PILRB: variants seen among roughly 807,000 people sequenced by gnomAD.
PILRB encodes paired immunoglobin like type 2 receptor beta, also known as paired immunoglobulin-like type 2 receptor beta.
In PILRB, 21 loss-of-function variants were observed where a neutral mutation model predicts 20.5. The observed-to-expected ratio is 1.02, with a 90% confidence interval of 0.72 to 1.47. The LOEUF is 1.47. Ranked by LOEUF, PILRB falls within the 40% of genes most tolerant of loss-of-function variation. The pLI is 0.00. For synonymous variants in PILRB, 133 were observed against 115.1 expected, an observed-to-expected ratio of 1.16 and a Z score of -0.99; for missense variants, 253 against 272.1, an observed-to-expected ratio of 0.93 and a Z score of 0.49.
intron 3 of PILRB, among the ~76,000 whole-genome samples, chr7:100,365,472 C>T (rs1563110722): frequency 6.6e-6 from 1 of 152,102 alleles, no homozygotes; most frequent in African/African-American, 2.4e-5. Flanking sequence ...AGGTGGTTGT[C>T]AGGGGCACAG....
chr7:100,359,455 G>A lies in PILRB; in HGVS notation c.573G>A (p.Arg191=). 3.7e-6 allele frequency: 6 copies of A among 1,614,154 alleles called. No homozygotes were observed. The highest frequency in any genetic ancestry group is 5.1e-6 in the Non-Finnish European group (6 of 1,180,020). The change falls in exon 3 of 4, where the codon AGG becomes AGA. Residue 191 remains arginine, a synonymous_variant. Coordinates refer to ENST00000609309, the MANE Select transcript of PILRB (RefSeq NM_178238.4). ...SWHLSLDTAI[R]VALAVAVLKT... ...ACCTAAGTCTGGACACTGCCATCAGGGTTGCATTGGCTGTCGCTGTGCTCA... is the reference window on the plus strand; with the variant it reads ...ACCTAAGTCTGGACACTGCCATCAGAGTTGCATTGGCTGTCGCTGTGCTCA...
chr7:100,365,616 C>A (rs547069083), intron 3 of PILRB, among the ~76,000 whole-genome samples: 8 of 152,166 alleles, frequency 5.3e-5, no homozygotes, highest in Admixed American at 2.0e-4. Context: ...GCCTGGAGTT[C>A]GAGCCCAGCC....
At chr7:100,365,876 C>G (rs1475934126) in intron 3 of PILRB, among the ~76,000 whole-genome samples, 1 of 151,084 alleles carries the variant, frequency 6.6e-6, no homozygotes, top group Non-Finnish European at 1.5e-5. Flanking sequence ...AGATCTGTCT[C>G]ACAACCATGT....
At chr7:100,364,990 G>A (rs1252290960) in intron 3 of PILRB, among the ~76,000 whole-genome samples, 2 of 151,774 alleles carry the variant, frequency 1.3e-5, no homozygotes. Context: ...TAATATTATT[G>A]AATCTTTTTT....
At position 100,358,120 on chromosome 7, in the gene PILRB, G is replaced by T. The variant is rs1464696424; in HGVS notation, c.-183G>T. 2 of 633,488 alleles carry T rather than the reference G, an allele frequency of 3.2e-6. No homozygotes were observed. Among genetic ancestry groups the T allele is most frequent in the Non-Finnish European group, 2.8e-6 (1 of 359,972 alleles). The allele number at this position is 633,488 out of a possible 1,614,324, so 39.2% of individuals were successfully genotyped here. On this transcript the variant is annotated 5_prime_UTR_variant, in exon 1 of 4. In the 5' UTR this introduces an upstream ATG that the reference lacks. Coordinates refer to ENST00000609309, the MANE Select transcript of PILRB (RefSeq NM_178238.4). ...TGCAATAAGAAGCCAGATGGATAAA[G>T]GAAGTGCTGGTCACCCTGGAGGTGT... is the stretch of plus-strand genomic sequence containing the variant.
chr7:100,364,563 C>T (rs1376032304), intron 3 of PILRB, among the ~76,000 whole-genome samples: 1 of 152,212 alleles, frequency 6.6e-6, no homozygotes, highest in African/African-American at 2.4e-5. Flanking sequence ...GATAGATCAA[C>T]TGGAAATCTT....
chr7:100,367,684 C>T lies in PILRB; in HGVS notation c.*307C>T. On this transcript the variant is annotated 3_prime_UTR_variant, in exon 4 of 4. Transcript: ENST00000609309. ...GTTTATTATAGCAGTGCAAAGAGTT[C>T]CTTTATCCTCCCCAAGGATGGAAAA... 1 of 379,448 alleles carries T rather than the reference C, an allele frequency of 2.6e-6. No homozygotes were observed. The highest frequency in any genetic ancestry group is 4.8e-6 in the Non-Finnish European group (1 of 209,638). 23.5% of individuals were successfully genotyped at this position (379,448 alleles called of 1,614,324 possible).
At chr7:100,365,885 G>C (rs1790668838) in intron 3 of PILRB, among the ~76,000 whole-genome samples, 1 of 150,982 alleles carries the variant, frequency 6.6e-6, no homozygotes, top group South Asian at 2.1e-4. Flanking sequence ...TCACAACCAT[G>C]TGAATACACT....
In PILRB at chr7:100,365,949, G is replaced by GTT. The variant is rs769960565; in HGVS notation, c.656-1378_656-1377dup. On this transcript the variant is annotated intron_variant, in intron 3 of 3. Transcript: ENST00000609309. ...TGGTTAGGATGGTAAATTCTAGGTG[G>GTT]TTTTTTTTTTTTTTTTTTTTTTTAG... Among the ~76,000 whole-genome samples, 313 of 127,758 alleles carry GTT rather than the reference G, an allele frequency of 2.4e-3. 4 individuals carry two copies. Among genetic ancestry groups the GTT allele is most frequent in the African/African-American group, 5.6e-3 (197 of 35,296 alleles). 83.8% of individuals were successfully genotyped at this position (127,758 alleles called of 152,430 possible).
At chr7:100,366,344 CAAA>C (rs1205322052) in intron 3 of PILRB, among the ~76,000 whole-genome samples, 3 of 151,962 alleles carry the variant, frequency 2.0e-5, no homozygotes, top group Non-Finnish European at 2.9e-5. Flanking sequence ...CATTAAAAAA[CAAA>C]AAACCTGTAG....
chr7:100,364,589 A>C (rs1790622334), intron 3 of PILRB, among the ~76,000 whole-genome samples: 1 of 152,238 alleles, frequency 6.6e-6, no homozygotes, highest in Non-Finnish European at 1.5e-5. Flanking sequence ...CCTTCCCAGA[A>C]CTGGGGTTAA....
rs140187391 is a variant in PILRB at position 100,367,514 on chromosome 7, C to T, written c.*137C>T. ...CCTGAGGACCTTTAAAAGGCAAAGC[C>T]GCAAGGCAGAAGGAGGCTGGGTCCC... On this transcript the variant is annotated 3_prime_UTR_variant, in exon 4 of 4. Coordinates refer to ENST00000609309, the MANE Select transcript of PILRB (RefSeq NM_178238.4). 3.8e-4 allele frequency: 258 copies of T among 683,396 alleles called. No individual in the cohort carries two copies. Among genetic ancestry groups the T allele is most frequent in the African/African-American group, 2.3e-3 (130 of 56,470 alleles). The allele number at this position is 683,396 out of a possible 1,614,324, so 42.3% of individuals were successfully genotyped here. A position where few individuals can be genotyped will look rare whatever the true frequency, so the allele number is the denominator to read the frequency against.
intron 3 of PILRB, 72 bp downstream of exon 3, chr7:100,359,609 G>A: frequency 1.5e-6 from 2 of 1,321,226 alleles, no homozygotes; most frequent in South Asian, 2.4e-5. Flanking sequence ...CTGCAGCTAA[G>A]GGACTTCAGA....
chr7:100,363,020 A>G (rs1790574462), intron 3 of PILRB, among the ~76,000 whole-genome samples: 1 of 151,918 alleles, frequency 6.6e-6, no homozygotes, highest in South Asian at 2.1e-4. Context: ...CAGGCTGGTC[A>G]CAGTGGCTCA....
intron 3 of PILRB, among the ~76,000 whole-genome samples, chr7:100,366,946 C>T (rs1486090897): frequency 2.0e-5 from 3 of 152,124 alleles, no homozygotes; most frequent in African/African-American, 7.2e-5. Context: ...AGCTGAGTCC[C>T]AGGCCCTTCC....
At chr7:100,358,417 G>T in intron 1 of PILRB, 51 bp downstream of exon 1, 2 of 1,596,146 alleles carry the variant, frequency 1.3e-6, no homozygotes, top group Non-Finnish European at 1.7e-6. Context: ...CCACAGGAGG[G>T]GCCAACCCAA....
At chr7:100,359,148 C>T in intron 2 of PILRB, 69 bp downstream of exon 2, 1 of 1,590,300 alleles carries the variant, frequency 6.3e-7, no homozygotes, top group Non-Finnish European at 8.6e-7. Flanking sequence ...CTGATGTCTT[C>T]ACATTTAAAC....
Position 100,359,557 on chromosome 7 carries a change from T to C in PILRB, c.655+20T>C. ...GGAAAGGTAAGTGCCCAGAACGCAC[T>C]GTCTCCTCAAGCTTCCCAGCTGGGG... On this transcript the variant is annotated intron_variant, in intron 3 of 3. Coordinates refer to ENST00000609309, the MANE Select transcript of PILRB (RefSeq NM_178238.4). 2 of 1,604,582 alleles carry C rather than the reference T, an allele frequency of 1.2e-6. No individual in the cohort carries two copies. Among genetic ancestry groups the C allele is most frequent in the Non-Finnish European group, 1.7e-6 (2 of 1,171,672 alleles).
rs777792895 is a variant in PILRB at position 100,358,689 on chromosome 7, G to T, written c.65-1G>T. 1 of 1,613,160 alleles carries T rather than the reference G, an allele frequency of 6.2e-7. No homozygotes were observed. On this transcript the variant is annotated splice_acceptor_variant, in intron 1 of 3. Transcript: ENST00000609309. LOFTEE classifies it high-confidence loss of function. ...CCCCACTCACTCCCTCCTTCCTCTA[G>T]GTGGCTCCACAGGATCTGGTCCAAG...
Sources: allele counts gnomAD v4.1 joint callset (sites outside exome capture counted in the v4.1 genomes callset), GRCh38; gene constraint gnomAD v4.1.1; transcripts MANE v1.5; gene names NCBI Gene and HGNC (gene_info 2026-07-23, HGNC 2026-07-21).